The following GRIK4 variants were observed in gnomAD, a reference collection of about 807,000 sequenced individuals.
GRIK4 encodes the protein glutamate receptor ionotropic, kainate 4.
A neutral mutation model predicts 104.9 loss-of-function variants in GRIK4; 40 were observed. The observed-to-expected ratio is 0.38, with a 90% CI of 0.30 to 0.50. The LOEUF (loss-of-function observed/expected upper bound fraction) is 0.50. Among genes scored for constraint, GRIK4 ranks in the 20% least tolerant of loss-of-function variants. GRIK4 has a pLI of 0.93. For synonymous variants in GRIK4, 485 were observed against 524.9 expected, an observed-to-expected ratio of 0.92 and a Z score of 1.04; for missense variants, 1,047 against 1,308.1, an observed-to-expected ratio of 0.80 and a Z score of 3.08.
At chr11:120,729,904 C>T (rs1372346756) in intron 3 of GRIK4, among the ~76,000 whole-genome samples, 9 of 152,158 alleles carry the variant, frequency 5.9e-5, no homozygotes. Flanking sequence ...GAAGTCTTAG[C>T]TATGAGTCTT....
At chr11:120,897,933 G>T (rs1214116094) in intron 11 of GRIK4, among the ~76,000 whole-genome samples, 3 of 152,012 alleles carry the variant, frequency 2.0e-5, no homozygotes, top group African/African-American at 4.8e-5. Context: ...CTCCGAGAAG[G>T]CAGGACAAGC....
At chr11:120,977,669 C>A (rs558868082) in intron 19 of GRIK4, among the ~76,000 whole-genome samples, 1 of 152,316 alleles carries the variant, frequency 6.6e-6, no homozygotes, top group East Asian at 1.9e-4. Context: ...GGAGCCAACA[C>A]CCATGATTAA....
intron 1 of GRIK4, among the ~76,000 whole-genome samples, chr11:120,547,643 T>TTTTTCC (rs1948098804): frequency 1.3e-5 from 2 of 151,932 alleles, no homozygotes; most frequent in South Asian, 4.1e-4. Flanking sequence ...CATGGAAACG[T>TTTTTCC]CTGACATGGG....
chr11:120,741,034 C>T (rs1951320031), intron 3 of GRIK4, among the ~76,000 whole-genome samples: 1 of 152,064 alleles, frequency 6.6e-6, no homozygotes, highest in African/African-American at 2.4e-5. Context: ...GTGTGAGGGG[C>T]AAGTTTCTGG....
At chr11:120,592,466 C>T (rs894459938) in intron 1 of GRIK4, among the ~76,000 whole-genome samples, 2 of 152,208 alleles carry the variant, frequency 1.3e-5, no homozygotes, top group East Asian at 1.9e-4. Flanking sequence ...TTGATTCTCT[C>T]CTCTGCTCGG....
At chr11:120,832,271 A>G (rs1321042233) in intron 7 of GRIK4, among the ~76,000 whole-genome samples, 1 of 152,188 alleles carries the variant, frequency 6.6e-6, no homozygotes, top group Non-Finnish European at 1.5e-5. Context: ...AGACACCTAG[A>G]TGCTGCCAAA....
chr11:120,612,075 G>C (rs4936531), intron 1 of GRIK4, among the ~76,000 whole-genome samples: 4,482 of 152,140 alleles, frequency 0.029, 407 homozygotes, highest in East Asian at 0.21. Flanking sequence ...TTTCTGTACC[G>C]CTCCTGTAAT....
At position 120,985,863 on chromosome 11, in the gene GRIK4, C is replaced by G. The variant is rs752932305; in HGVS notation, c.2515-41C>G. 3.4e-5 allele frequency: 52 copies of G among 1,543,560 alleles called. No homozygotes were observed. The Admixed American group carries it at 6.0e-4, about 18-fold the overall frequency. Reference sequence around the variant, plus strand: ...CGGACTCGCAGGGGGCCCACGGGGGCTGGTTGAGAGGCTGGGCCCTGACCT... The same window carrying G: ...CGGACTCGCAGGGGGCCCACGGGGGGTGGTTGAGAGGCTGGGCCCTGACCT... On this transcript the variant is annotated intron_variant, in intron 20 of 20. Transcript: ENST00000527524.
intron 7 of GRIK4, among the ~76,000 whole-genome samples, chr11:120,833,274 T>G (rs1225774126): frequency 1.0e-5 from 1 of 98,764 alleles, no homozygotes; most frequent in Non-Finnish European, 2.0e-5. Context: ...TTTCTTTCTC[T>G]CTCTCTCTTT....
intron 13 of GRIK4, among the ~76,000 whole-genome samples, chr11:120,920,332 C>T (rs948107524): frequency 5.9e-5 from 9 of 152,266 alleles, no homozygotes; most frequent in Non-Finnish European, 8.8e-5. Flanking sequence ...TGTATTTTCA[C>T]CTCCTCTTCT....
At chr11:120,815,529 G>A (rs759710914) in intron 5 of GRIK4, 54 bp downstream of exon 5, 7 of 1,077,102 alleles carry the variant, frequency 6.5e-6, no homozygotes, top group Non-Finnish European at 9.4e-6. Flanking sequence ...TGTGCCCAGG[G>A]TCCAAAGATA....
At chr11:120,619,576 G>A (rs1199350576) in intron 1 of GRIK4, among the ~76,000 whole-genome samples, 1 of 152,216 alleles carries the variant, frequency 6.6e-6, no homozygotes, top group African/African-American at 2.4e-5. Flanking sequence ...ACCCGGTGTT[G>A]GAGGGGGATC....
intron 1 of GRIK4, among the ~76,000 whole-genome samples, chr11:120,518,300 G>A (rs1029012841): frequency 2.0e-5 from 3 of 152,216 alleles, no homozygotes; most frequent in South Asian, 4.1e-4. Flanking sequence ...TGCTGAGCAC[G>A]AGTCCGTGGC....
intron 13 of GRIK4, among the ~76,000 whole-genome samples, chr11:120,937,994 A>G (rs1943634806): frequency 6.6e-6 from 1 of 152,182 alleles, no homozygotes; most frequent in Non-Finnish European, 1.5e-5. Flanking sequence ...AGAGAAAGGA[A>G]TGGATGCCAC....
intron 1 of GRIK4, among the ~76,000 whole-genome samples, chr11:120,512,088 C>G (rs1266782891): frequency 2.7e-5 from 4 of 149,972 alleles, no homozygotes; most frequent in African/African-American, 9.8e-5. Flanking sequence ...CCCGCCAGCC[C>G]GGTCCCTGGC....
At chr11:120,596,338 G>A (rs1948800806) in intron 1 of GRIK4, among the ~76,000 whole-genome samples, 1 of 152,236 alleles carries the variant, frequency 6.6e-6, no homozygotes, top group African/African-American at 2.4e-5. Flanking sequence ...AGGGAGACAG[G>A]TCTATTAACC....
chr11:120,647,620 C>G (rs543721257), intron 1 of GRIK4, among the ~76,000 whole-genome samples: 3 of 152,384 alleles, frequency 2.0e-5, no homozygotes, highest in African/African-American at 7.2e-5. Context: ...TGGAAGGTCT[C>G]TCCCCACCCG....
chr11:120,622,498 C>T (rs549165699), intron 1 of GRIK4, among the ~76,000 whole-genome samples: 4 of 152,208 alleles, frequency 2.6e-5, no homozygotes, highest in African/African-American at 9.7e-5. Flanking sequence ...CAAGCCTAAC[C>T]CTGATTGTCC....
chr11:120,631,120 A>T (rs1949327860), intron 1 of GRIK4, among the ~76,000 whole-genome samples: 1 of 152,248 alleles, frequency 6.6e-6, no homozygotes, highest in South Asian at 2.1e-4. Flanking sequence ...ATGCACACAT[A>T]GCACTCAGCA....
Sources: allele counts gnomAD v4.1 joint callset (sites outside exome capture counted in the v4.1 genomes callset), GRCh38; gene constraint gnomAD v4.1.1; transcripts MANE v1.5; gene names NCBI Gene and HGNC (gene_info 2026-07-23, HGNC 2026-07-21).